Variants in SNX29 observed in about 807,000 individuals in gnomAD.
SNX29 encodes the protein sorting nexin 29, also known as sorting nexin-29.
Under a neutral mutation model 102.1 loss-of-function variants are expected in SNX29, and 78 were observed. The observed-to-expected ratio is 0.76, with a 90% CI of 0.64 to 0.92. SNX29 has a LOEUF of 0.92. Among genes scored for constraint, SNX29 ranks in the 40% least tolerant of loss-of-function variants. The pLI is 0.00. For missense variants in SNX29, 1,280 were observed against 1,061.7 expected, an observed-to-expected ratio of 1.21 and a Z score of -2.86; for synonymous variants, 580 against 414.5, an observed-to-expected ratio of 1.40 and a Z score of -4.85.
chr16:12,255,824 G>T (rs944192874), intron 14 of SNX29, among the ~76,000 whole-genome samples: 1 of 152,182 alleles, frequency 6.6e-6, no homozygotes, highest in African/African-American at 2.4e-5. Flanking sequence ...GAATAGTGCT[G>T]CAATAAACAT....
intron 16 of SNX29, among the ~76,000 whole-genome samples, chr16:12,380,012 T>A (rs978391229): frequency 1.3e-5 from 2 of 152,110 alleles, no homozygotes; most frequent in Non-Finnish European, 1.5e-5. Flanking sequence ...CAGATTCTGG[T>A]ATATGACCTC....
intron 3 of SNX29, among the ~76,000 whole-genome samples, chr16:12,011,734 C>T (rs1227905172): frequency 6.6e-6 from 1 of 152,080 alleles, no homozygotes; most frequent in African/African-American, 2.4e-5. Flanking sequence ...GGGGTGTGAG[C>T]TTTGGTGTCA....
At chr16:12,230,553 T>A (rs1458945952) in intron 14 of SNX29, among the ~76,000 whole-genome samples, 1 of 152,194 alleles carries the variant, frequency 6.6e-6, no homozygotes, top group African/African-American at 2.4e-5. Context: ...TGTTCAACAT[T>A]AGGGGAAATG....
At chr16:12,153,413 TC>T (rs1212329725) in intron 13 of SNX29, among the ~76,000 whole-genome samples, 4 of 150,330 alleles carry the variant, frequency 2.7e-5, no homozygotes, top group African/African-American at 9.8e-5. Flanking sequence ...CCTGGGGAGA[TC>T]CCCCCATGTT....
At position 12,451,258 on chromosome 16, in the gene SNX29, C is replaced by T. The variant is rs533611957; in HGVS notation, c.2038-26461C>T. On this transcript the variant is annotated intron_variant, in intron 18 of 20. Coordinates refer to ENST00000566228, the MANE Select transcript of SNX29 (RefSeq NM_032167.5). Reference sequence around the variant, plus strand: ...ATAAACACAATTTCAGGGCTCTGTGCGAAATGGAGATGCTCTGTAATAGAA... The same window carrying T: ...ATAAACACAATTTCAGGGCTCTGTGTGAAATGGAGATGCTCTGTAATAGAA... 5.8e-4 allele frequency among the ~76,000 whole-genome samples: 89 copies of T among 152,280 alleles called. 1 individual carries two copies. The highest frequency in any genetic ancestry group is 2.3e-3 in the South Asian group (11 of 4,828).
intron 20 of SNX29, 115 bp downstream of exon 20, chr16:12,524,956 C>A (rs2076738592): frequency 1.4e-6 from 2 of 1,430,602 alleles, no homozygotes; most frequent in South Asian, 2.7e-5. Context: ...CGCCATGGGA[C>A]CCAGGCGAAC....
intron 15 of SNX29, among the ~76,000 whole-genome samples, chr16:12,351,565 G>A (rs1349186606): frequency 1.3e-5 from 2 of 152,178 alleles, no homozygotes; most frequent in Non-Finnish European, 2.9e-5. Context: ...GATATGAAAG[G>A]AAATGCCAGA....
intron 16 of SNX29, among the ~76,000 whole-genome samples, chr16:12,360,218 TTG>T (rs2082263540): frequency 6.6e-6 from 1 of 152,206 alleles, no homozygotes; most frequent in South Asian, 2.1e-4. Context: ...TTCCATGTCT[TTG>T]TGTTGATCAG....
At chr16:12,310,043 C>CATA (rs1555508430) in intron 15 of SNX29, among the ~76,000 whole-genome samples, 1 of 151,834 alleles carries the variant, frequency 6.6e-6, no homozygotes, top group African/African-American at 2.4e-5. Context: ...TGTGTGCACA[C>CATA]ATATGTACAC....
At chr16:12,353,649 C>G (rs555980500) in intron 15 of SNX29, among the ~76,000 whole-genome samples, 5 of 152,216 alleles carry the variant, frequency 3.3e-5, no homozygotes, top group Non-Finnish European at 7.3e-5. Flanking sequence ...CTCCACTGGT[C>G]ATACCTTTCT....
In SNX29 at chr16:12,572,724, T is replaced by G. The variant is rs200170287; in HGVS notation, c.*4095T>G. The stretch of plus-strand genomic sequence containing the variant: ...GCATCTTCCAGCCTTGGCACAGAAC[T>G]GATGGCAAAGGAAGGGCTGGGTTTT... On this transcript the variant is annotated 3_prime_UTR_variant, in exon 21 of 21. Coordinates refer to ENST00000566228, the MANE Select transcript of SNX29 (RefSeq NM_032167.5). 11 of 1,063,960 alleles carry G rather than the reference T, an allele frequency of 1.0e-5. No homozygotes were observed. In the East Asian group the frequency reaches 5.5e-4, roughly 53 times the overall value. The allele number at this position is 1,063,960 out of a possible 1,614,324, so 65.9% of individuals were successfully genotyped here.
In SNX29 at chr16:12,154,639, A is replaced by G. The variant is rs577030974; in HGVS notation, c.1595+24881A>G. On this transcript the variant is annotated intron_variant, in intron 13 of 20. Transcript: ENST00000566228. ...GGTGCCTTAGTCCATCCGGGCTACT[A>G]TAACAAAACAAAAAGTACCAGAAAC... 2.6e-5 allele frequency among the ~76,000 whole-genome samples: 4 copies of G among 152,326 alleles called. 1 individual carries two copies. The highest frequency in any genetic ancestry group is 2.0e-4 in the Admixed American group (3 of 15,308).
chr16:12,178,988 A>G (rs1453965694), intron 13 of SNX29, among the ~76,000 whole-genome samples: 2 of 152,232 alleles, frequency 1.3e-5, no homozygotes, highest in Non-Finnish European at 2.9e-5. Flanking sequence ...TGCTTTGTAT[A>G]TGGGTTAAAT....
intron 7 of SNX29, among the ~76,000 whole-genome samples, chr16:12,051,332 TAA>T (rs372899414): frequency 7.2e-5 from 10 of 138,168 alleles, no homozygotes; most frequent in Admixed American, 1.5e-4. Flanking sequence ...CCCCAACTCT[TAA>T]AAAAAAAAAA....
rs1056827938 is a variant in SNX29 at position 12,571,652 on chromosome 16, C to G, written c.*3023C>G. On this transcript the variant is annotated 3_prime_UTR_variant, in exon 21 of 21. Coordinates refer to ENST00000566228, the MANE Select transcript of SNX29 (RefSeq NM_032167.5). ...TTTCTCCCCCAGATGAAAGACGACT[C>G]AGGAACGGTAGGGCTGGGCAGAGGT... 5 of 1,059,270 alleles carry G rather than the reference C, an allele frequency of 4.7e-6. No individual in the cohort carries two copies. The highest frequency in any genetic ancestry group is 1.6e-5 in the African/African-American group (1 of 60,682). The allele number at this position is 1,059,270 out of a possible 1,614,324, so 65.6% of individuals were successfully genotyped here. A position where few individuals can be genotyped will look rare whatever the true frequency, so the allele number is the denominator to read the frequency against.
intron 13 of SNX29, among the ~76,000 whole-genome samples, chr16:12,139,302 G>A (rs192597279): frequency 6.6e-6 from 1 of 151,224 alleles, no homozygotes; most frequent in Admixed American, 6.6e-5. Context: ...CATGGGAGTA[G>A]GTATTCCTGA....
chr16:12,010,327 G>A (rs947017811), intron 3 of SNX29, among the ~76,000 whole-genome samples: 7 of 152,144 alleles, frequency 4.6e-5, no homozygotes, highest in African/African-American at 9.7e-5. Flanking sequence ...GCATTTAGAA[G>A]TTGTTAATTA....
chr16:12,264,759 C>T, intron 14 of SNX29, among the ~76,000 whole-genome samples: 1 of 150,538 alleles, frequency 6.6e-6, no homozygotes, highest in Non-Finnish European at 1.5e-5. Flanking sequence ...TCCAACGAGA[C>T]TCTGTTTCAA....
chr16:12,411,573 G>C (rs916059295), intron 18 of SNX29, among the ~76,000 whole-genome samples: 2 of 152,160 alleles, frequency 1.3e-5, no homozygotes, highest in African/African-American at 4.8e-5. Context: ...TTCCCTTCCA[G>C]TATAAAGCCT....
Sources: gnomAD v4.1 joint callset for allele counts (sites outside exome capture counted in the v4.1 genomes callset) on GRCh38, gnomAD v4.1.1 for gene constraint, MANE v1.5 for transcripts, NCBI Gene and HGNC (gene_info 2026-07-23, HGNC 2026-07-21) for gene names.